Variants in PPARG observed in about 807,000 individuals in gnomAD.
PPARG encodes the protein peroxisome proliferator-activated receptor gamma.
Under a neutral mutation model 39.2 loss-of-function variants are expected in PPARG, and 17 were observed. That is an observed-to-expected ratio of 0.43 (90% CI 0.30 to 0.65). The LOEUF (loss-of-function observed/expected upper bound fraction) is 0.65. PPARG is among the 30% of genes least tolerant of loss of function. The probability of loss-of-function intolerance (pLI) is 0.13; values close to 1 mark genes in which losing one functional copy is unlikely to be tolerated. For missense variants in PPARG, 406 were observed against 585.9 expected, an observed-to-expected ratio of 0.69 and a Z score of 3.17; for synonymous variants, 223 against 215.7, an observed-to-expected ratio of 1.03 and a Z score of -0.30.
intron 2 of PPARG, among the ~76,000 whole-genome samples, chr3:12,374,539 C>T (rs1354754559): frequency 6.6e-6 from 1 of 152,074 alleles, no homozygotes; most frequent in Non-Finnish European, 1.5e-5. Context: ...GTGGAGGTTG[C>T]AGTGAGCCAA....
chr3:12,381,619 C>A, intron 4 of PPARG, 128 bp downstream of exon 4: 2 of 985,504 alleles, frequency 2.0e-6, no homozygotes, highest in Non-Finnish European at 1.5e-6. Flanking sequence ...GCTCTGTCAC[C>A]CAGACCAGAG....
intron 2 of PPARG, among the ~76,000 whole-genome samples, chr3:12,313,421 A>G (rs2047304836): frequency 6.6e-6 from 1 of 152,168 alleles, no homozygotes; most frequent in Admixed American, 6.5e-5. Flanking sequence ...AAATGCTTTC[A>G]GATTCCAAAC....
chr3:12,384,206 G>T (rs754065734), intron 4 of PPARG, among the ~76,000 whole-genome samples: 13 of 152,146 alleles, frequency 8.5e-5, no homozygotes, highest in Admixed American at 3.9e-4. Context: ...AAGAAAATAT[G>T]TGAATCCACT....
chr3:12,330,417 T>C (rs1040162674), intron 2 of PPARG, among the ~76,000 whole-genome samples: 5 of 152,162 alleles, frequency 3.3e-5, no homozygotes, highest in Middle Eastern at 3.2e-3. Context: ...CATGTGCTTA[T>C]TGGTCATTTG....
intron 2 of PPARG, among the ~76,000 whole-genome samples, chr3:12,369,356 G>A (rs2049128707): frequency 6.6e-6 from 1 of 152,062 alleles, no homozygotes; most frequent in African/African-American, 2.4e-5. Context: ...GCCAGCAGTG[G>A]TGGTGCATGC....
chr3:12,365,941 A>T lies in PPARG; in HGVS notation c.-8-13763A>T, dbSNP rs946856495. Among the ~76,000 whole-genome samples the T allele has an allele frequency of 3.3e-5, 5 of 152,216 alleles. No individual in the cohort carries two copies. In the East Asian group the frequency reaches 7.7e-4, roughly 23 times the overall value. The stretch of plus-strand genomic sequence containing the variant: ...CCAGTTTGCCAATATCCACAAAATA[A>T]CTTGCTGGGATTGTTATTGTGATTG... On this transcript the variant is annotated intron_variant, in intron 2 of 7. Transcript: ENST00000651735.
chr3:12,411,656 T>C (rs2050882799), intron 6 of PPARG, among the ~76,000 whole-genome samples: 1 of 152,186 alleles, frequency 6.6e-6, no homozygotes, highest in African/African-American at 2.4e-5. Flanking sequence ...GCACTTTGAC[T>C]TTGGAATGTC....
chr3:12,373,466 C>T (rs1218685628), intron 2 of PPARG, among the ~76,000 whole-genome samples: 2 of 152,058 alleles, frequency 1.3e-5, no homozygotes, highest in African/African-American at 2.4e-5. Flanking sequence ...GAATATACAT[C>T]GTTAAGGGGA....
In PPARG at chr3:12,417,095, C is replaced by T. The variant is rs745473692; in HGVS notation, c.1121C>T (p.Ala374Val). 2 of 1,614,072 alleles carry T rather than the reference C, an allele frequency of 1.2e-6. No individual in the cohort carries two copies. The highest frequency in any genetic ancestry group is 1.7e-5 in the Admixed American group (1 of 60,018). Reference sequence around the variant, plus strand: ...TTTGAGTTTGCTGTGAAGTTCAATGCACTGGAATTAGATGACAGCGACTTG... The same window carrying T: ...TTTGAGTTTGCTGTGAAGTTCAATGTACTGGAATTAGATGACAGCGACTTG... ...PKFEFAVKFN[A>V]LELDDSDLAI... The change falls in exon 7 of 8, where the codon GCA (alanine) becomes GTA (valine). Residue 374 changes from alanine (A) to valine (V), a missense_variant. Ala to Val is a moderately conservative substitution (Grantham distance 64). Coordinates refer to ENST00000651735, the MANE Select transcript of PPARG (RefSeq NM_138711.6).
chr3:12,407,594 T>A (rs1268254109), intron 6 of PPARG, among the ~76,000 whole-genome samples: 1 of 152,238 alleles, frequency 6.6e-6, no homozygotes, highest in Non-Finnish European at 1.5e-5. Context: ...ATGCAGTCAT[T>A]TATTTTCACA....
chr3:12,338,535 A>G (rs1440234983), intron 2 of PPARG, among the ~76,000 whole-genome samples: 1 of 152,228 alleles, frequency 6.6e-6, no homozygotes, highest in South Asian at 2.1e-4. Context: ...GTTGTAAACT[A>G]TGTTTATAGC....
At chr3:12,297,880 T>A (rs2046827168) in intron 1 of PPARG, 1 of 152,200 alleles carries the variant, frequency 6.6e-6, no homozygotes, top group Middle Eastern at 3.2e-3. Context: ...GTTACCCAGT[T>A]TTCCTGCTGC....
chr3:12,317,364 CA>C (rs71628750), intron 2 of PPARG, among the ~76,000 whole-genome samples: 406 of 152,224 alleles, frequency 2.7e-3, no homozygotes, highest in Non-Finnish European at 3.1e-3. Flanking sequence ...CACAACCACA[CA>C]AAAAAACTAT....
At chr3:12,401,903 A>C (rs1480263255) in intron 5 of PPARG, among the ~76,000 whole-genome samples, 1 of 152,198 alleles carries the variant, frequency 6.6e-6, no homozygotes, top group Non-Finnish European at 1.5e-5. Flanking sequence ...GTGAGATTAT[A>C]GCAGAGGGAT....
At chr3:12,365,110 A>G (rs2048972603) in intron 2 of PPARG, among the ~76,000 whole-genome samples, 1 of 152,156 alleles carries the variant, frequency 6.6e-6, no homozygotes, top group Non-Finnish European at 1.5e-5. Flanking sequence ...CCTTGCGTGC[A>G]CAGTTCACAA....
At chr3:12,422,847 A>AC (rs1350831671) in intron 7 of PPARG, among the ~76,000 whole-genome samples, 1 of 151,446 alleles carries the variant, frequency 6.6e-6, no homozygotes, top group Non-Finnish European at 1.5e-5. Context: ...GTGCCACTGC[A>AC]CTCCAGCCTG....
At chr3:12,312,220 A>T (rs1422766616) in intron 1 of PPARG, among the ~76,000 whole-genome samples, 160 bp from the exon 2 acceptor site, 1 of 152,256 alleles carries the variant, frequency 6.6e-6, no homozygotes, top group Non-Finnish European at 1.5e-5. Context: ...GAGAATAGAA[A>T]GCATTGTAGG....
At chr3:12,301,453 C>G (rs991722327) in intron 1 of PPARG, 10 of 152,170 alleles carry the variant, frequency 6.6e-5, no homozygotes, top group Non-Finnish European at 1.3e-4. Flanking sequence ...TTCAGTTGCT[C>G]AGCTAGTTCA....
At chr3:12,321,646 A>T (rs1037792304) in intron 2 of PPARG, among the ~76,000 whole-genome samples, 1 of 152,058 alleles carries the variant, frequency 6.6e-6, no homozygotes, top group East Asian at 1.9e-4. Context: ...GTTATATTTC[A>T]TCCCCTTTCA....
Sources: allele counts gnomAD v4.1 joint callset (sites outside exome capture counted in the v4.1 genomes callset), GRCh38; gene constraint gnomAD v4.1.1; transcripts MANE v1.5; gene names NCBI Gene and HGNC (gene_info 2026-07-23, HGNC 2026-07-21).